Variants in NLRP2 observed in about 807,000 individuals in gnomAD.
NLRP2 encodes NLR family pyrin domain containing 2.
A neutral mutation model predicts 97.2 loss-of-function variants in NLRP2; 107 were observed. The observed-to-expected ratio is 1.10, with a 90% CI of 0.94 to 1.29. The LOEUF (loss-of-function observed/expected upper bound fraction) is 1.29, where lower values mean the gene tolerates loss of function less well. Ranked by LOEUF, NLRP2 falls within the 50% of genes most tolerant of loss-of-function variation. NLRP2 has a pLI of 0.00. For missense variants in NLRP2, 1,495 were observed against 1,330.3 expected, an observed-to-expected ratio of 1.12 and a Z score of -1.93; for synonymous variants, 663 against 551.5, an observed-to-expected ratio of 1.20 and a Z score of -2.83.
At chr19:54,987,438 G>A (rs1254421547) in intron 8 of NLRP2, among the ~76,000 whole-genome samples, 2 of 152,150 alleles carry the variant, frequency 1.3e-5, no homozygotes, top group Non-Finnish European at 2.9e-5. Flanking sequence ...GGCCACACTG[G>A]TGTAGTAGGT....
At chr19:54,998,008 T>G (rs1256466973) in intron 12 of NLRP2, among the ~76,000 whole-genome samples, 4 of 150,590 alleles carry the variant, frequency 2.7e-5, no homozygotes, top group South Asian at 2.1e-4. Flanking sequence ...TTTGGGGTTT[T>G]GTTTTGTTTT....
At position 54,977,836 on chromosome 19, in the gene NLRP2, A is replaced by G; in HGVS notation, c.397+13A>G. 1 of 1,612,906 alleles carries G rather than the reference A, an allele frequency of 6.2e-7. No individual in the cohort carries two copies. On this transcript the variant is annotated intron_variant, in intron 4 of 12. Coordinates refer to ENST00000448584, the MANE Select transcript of NLRP2 (RefSeq NM_017852.5). ...ACAGAAGCACAAGGTGGGTGTCAGG[A>G]CCTCCAATGTTGGAGTCAGCTGAGG...
At chr19:54,981,247 A>G (rs1271164707) in intron 4 of NLRP2, among the ~76,000 whole-genome samples, 1 of 151,178 alleles carries the variant, frequency 6.6e-6, no homozygotes, top group Non-Finnish European at 1.5e-5. Flanking sequence ...TCTTACTACA[A>G]CCTCCATCTC....
At chr19:54,995,254 G>T (rs531199713) in intron 11 of NLRP2, among the ~76,000 whole-genome samples, 3 of 142,034 alleles carry the variant, frequency 2.1e-5, no homozygotes, top group Non-Finnish European at 4.5e-5. Context: ...GTAATGGCGC[G>T]ATCTCAGCTC....
rs142463014 is a variant in NLRP2 at position 54,970,026 on chromosome 19, C to A, written c.11C>A (p.Ser4Ter). The stretch of plus-strand genomic sequence containing the variant: ...CCCACGTGGGACAAGATGGTGTCTT[C>A]GGCGCAGATGGGCTTCAACCTGCAG... MVS[S>*]AQMGFNLQAL... Residue 4 changes from serine to a stop codon, truncating the protein, a stop_gained, in exon 2 of 13, where the codon TCG (serine) becomes TAG (stop). Transcript: ENST00000448584. LOFTEE classifies it high-confidence loss of function. 5 of 1,613,446 alleles carry A rather than the reference C, an allele frequency of 3.1e-6. No homozygotes were observed. Among genetic ancestry groups the A allele is most frequent in the Non-Finnish European group, 4.2e-6 (5 of 1,180,012 alleles).
intron 3 of NLRP2, among the ~76,000 whole-genome samples, chr19:54,975,119 T>TTTTTTTTTTG (rs1568474976): frequency 1.3e-4 from 3 of 23,596 alleles, no homozygotes; most frequent in Non-Finnish European, 2.3e-4. Flanking sequence ...TTTTTTTTTT[T>TTTTTTTTTTG]TTTTTTTTTT....
chr19:54,985,677 CAAAAAAA>C (rs113852885), intron 7 of NLRP2, among the ~76,000 whole-genome samples: 2,894 of 67,950 alleles, frequency 0.043, 34 homozygotes, highest in Non-Finnish European at 0.063. Context: ...GACTGCGTCT[CAAAAAAA>C]AAAAAAAAAA....
chr19:54,977,108 G>A (rs572886281), intron 3 of NLRP2: 54 of 284,884 alleles, frequency 1.9e-4, no homozygotes, highest in South Asian at 1.5e-3. Flanking sequence ...CACCATGCCC[G>A]GCTGATTCCA....
chr19:54,984,272 C>T (rs1602377531), intron 6 of NLRP2, among the ~76,000 whole-genome samples: 1 of 147,650 alleles, frequency 6.8e-6, no homozygotes, highest in Admixed American at 6.8e-5. Context: ...CCTGGGATGA[C>T]AGGTATTAAG....
chr19:54,973,344 G>GCT (rs34737733), intron 2 of NLRP2, among the ~76,000 whole-genome samples: 1 of 92,554 alleles, frequency 1.1e-5, no homozygotes, highest in Non-Finnish European at 2.0e-5. Context: ...ATGGGTGAGG[G>GCT]TTTTTTTTTT....
intron 7 of NLRP2, among the ~76,000 whole-genome samples, chr19:54,985,677 CAAAA>C (rs113852885): frequency 1.9e-3 from 127 of 68,006 alleles, no homozygotes; most frequent in African/African-American, 5.3e-3. Flanking sequence ...GACTGCGTCT[CAAAA>C]AAAAAAAAAA....
At chr19:54,998,631 C>CTTTTTTTTTTTTTT (rs1179005483) in intron 12 of NLRP2, among the ~76,000 whole-genome samples, 46 of 61,126 alleles carry the variant, frequency 7.5e-4, no homozygotes, top group Middle Eastern at 9.1e-3. Context: ...TTTTTTTTTC[C>CTTTTTTTTTTTTTT]TTTTTTTTTT....
intron 7 of NLRP2, 92 bp from the exon 8 acceptor site, chr19:54,986,059 C>T: frequency 1.1e-6 from 1 of 876,158 alleles, no homozygotes; most frequent in Non-Finnish European, 1.9e-6. Flanking sequence ...AAAATAGTTC[C>T]TAAAGTTTAA....
At chr19:54,998,631 C>CTGTTTTTTTTTTTTTTTT (rs1568547254) in intron 12 of NLRP2, among the ~76,000 whole-genome samples, 1 of 61,126 alleles carries the variant, frequency 1.6e-5, no homozygotes. Flanking sequence ...TTTTTTTTTC[C>CTGTTTTTTTTTTTTTTTT]TTTTTTTTTT....
In NLRP2 at chr19:54,986,215, A is replaced by T; in HGVS notation, c.2266A>T (p.Thr756Ser). Residue 756 changes from threonine (T) to serine (S), a missense_variant, in exon 8 of 13, where the codon ACT becomes TCT. Coordinates refer to ENST00000448584, the MANE Select transcript of NLRP2 (RefSeq NM_017852.5). ...NLCLALRGHKTVTYLTLQGND... is the reference protein window; with the variant it reads ...NLCLALRGHKSVTYLTLQGND... ...CTGCCTAGCTCTTCGAGGTCACAAG[A>T]CTGTAACGTATCTGACCCTTCAAGG... The T allele has an allele frequency of 6.2e-7, 1 of 1,612,712 alleles. No homozygotes were observed. Among genetic ancestry groups the T allele is most frequent in the African/African-American group, 1.3e-5 (1 of 74,990 alleles).
chr19:54,996,225 G>A (rs2072814982), intron 11 of NLRP2, among the ~76,000 whole-genome samples: 1 of 151,886 alleles, frequency 6.6e-6, no homozygotes, highest in Non-Finnish European at 1.5e-5. Flanking sequence ...AAGTGGCAGG[G>A]TGCAGTGGCT....
rs545500213 is a variant in NLRP2 at position 54,969,764 on chromosome 19, A to G, written c.-17-235A>G. ...AGTTTCAGTCTCCCAGGCTCAAGCA[A>G]TCCTCCCACTGCAGCCTCCTGAGTA... On this transcript the variant is annotated intron_variant, in intron 1 of 12. Coordinates refer to ENST00000448584, the MANE Select transcript of NLRP2 (RefSeq NM_017852.5). Among the ~76,000 whole-genome samples, 84 of 152,274 alleles carry G rather than the reference A, an allele frequency of 5.5e-4. No homozygotes were observed. The East Asian group carries it at 5.6e-3, about 10-fold the overall frequency.
chr19:54,973,859 T>C, intron 2 of NLRP2: 5 of 639,580 alleles, frequency 7.8e-6, no homozygotes, highest in Non-Finnish European at 1.2e-5. Context: ...CTGTAAGAAG[T>C]GTGGCAAGCA....
In NLRP2 at chr19:54,994,317, GCTT is replaced by G. The variant is rs2072678021; in HGVS notation, c.2760_2762del (p.Leu921del). On this transcript the variant is annotated inframe_deletion, in exon 11 of 13. Coordinates refer to ENST00000448584, the MANE Select transcript of NLRP2 (RefSeq NM_017852.5). The stretch of plus-strand genomic sequence containing the variant: ...GCGATGGCTGCTGCGATCTCACAAA[GCTT>G]CTCCAAGAAAAATCAAGCCTGTTGT... 6.8e-6 allele frequency: 11 copies of G among 1,614,118 alleles called. No individual in the cohort carries two copies. The highest frequency in any genetic ancestry group is 9.3e-6 in the Non-Finnish European group (11 of 1,180,018).
Sources: allele counts gnomAD v4.1 joint callset (sites outside exome capture counted in the v4.1 genomes callset), GRCh38; gene constraint gnomAD v4.1.1; transcripts MANE v1.5; gene names NCBI Gene and HGNC (gene_info 2026-07-23, HGNC 2026-07-21).